NALF1: variants seen among roughly 807,000 people sequenced by gnomAD.
The protein encoded by NALF1 is family with sequence similarity 155 member A.
A neutral mutation model predicts 48.4 loss-of-function variants in NALF1; 3 were observed. The ratio of observed to expected loss-of-function variants is 0.06; its 90% confidence interval spans 0.03 to 0.16. NALF1 has a LOEUF of 0.16. NALF1 is among the 10% of genes least tolerant of loss of function. NALF1 has a pLI of 1.00. For missense variants in NALF1, 526 were observed against 571.5 expected (o/e 0.92, Z 0.81); for synonymous variants, 262 against 245.7 (o/e 1.07, Z -0.62).
intron 1 of NALF1, among the ~76,000 whole-genome samples, chr13:107,249,621 T>A (rs1022677403): frequency 6.7e-6 from 1 of 148,520 alleles, no homozygotes; most frequent in Admixed American, 6.6e-5. Context: ...TGTAGAGAGA[T>A]GGCCAAAACT....
intron 1 of NALF1, among the ~76,000 whole-genome samples, chr13:107,256,310 C>T (rs772111691): frequency 6.6e-6 from 1 of 152,184 alleles, no homozygotes; most frequent in Non-Finnish European, 1.5e-5. Context: ...CTCTTCCTAA[C>T]CCTGTGTTCA....
intron 1 of NALF1, among the ~76,000 whole-genome samples, chr13:107,808,580 G>A (rs1268839642): frequency 6.6e-6 from 1 of 151,702 alleles, no homozygotes; most frequent in Non-Finnish European, 1.5e-5. Flanking sequence ...AGAAAAGAAA[G>A]TGTAGCTGAA....
chr13:107,625,873 T>C (rs906735490), intron 1 of NALF1, among the ~76,000 whole-genome samples: 1 of 152,096 alleles, frequency 6.6e-6, no homozygotes, highest in African/African-American at 2.4e-5. Context: ...TCGGGCAATG[T>C]AGACACAAGC....
chr13:107,187,068 T>C (rs1044757534), intron 2 of NALF1, among the ~76,000 whole-genome samples: 11 of 152,216 alleles, frequency 7.2e-5, no homozygotes, highest in African/African-American at 2.4e-4. Flanking sequence ...GTGCTTCTCA[T>C]GCTTCCCATC....
chr13:107,726,772 G>A (rs773495101), intron 1 of NALF1, among the ~76,000 whole-genome samples: 30 of 140,762 alleles, frequency 2.1e-4, no homozygotes, highest in Middle Eastern at 3.4e-3. Flanking sequence ...CACCACATGC[G>A]GCTAATTTTT....
At chr13:107,235,267 G>A (rs1474941294) in intron 1 of NALF1, among the ~76,000 whole-genome samples, 2 of 152,098 alleles carry the variant, frequency 1.3e-5, no homozygotes, top group Admixed American at 1.3e-4. Context: ...TATTATGTAT[G>A]TGCTAATAAT....
intron 1 of NALF1, among the ~76,000 whole-genome samples, chr13:107,810,486 CTA>C (rs1253437446): frequency 2.0e-5 from 3 of 152,090 alleles, no homozygotes; most frequent in Non-Finnish European, 4.4e-5. Flanking sequence ...AGCCCTAAGT[CTA>C]TACATTTCTG....
intron 1 of NALF1, among the ~76,000 whole-genome samples, chr13:107,267,077 G>A (rs902649000): frequency 2.6e-5 from 4 of 152,164 alleles, no homozygotes; most frequent in African/African-American, 9.7e-5. Flanking sequence ...TGTAGGGCCA[G>A]GTATACAATT....
At chr13:107,766,323 G>A (rs1877417241) in intron 1 of NALF1, among the ~76,000 whole-genome samples, 1 of 152,184 alleles carries the variant, frequency 6.6e-6, no homozygotes, top group Admixed American at 6.5e-5. Flanking sequence ...CGTGAGAAAT[G>A]CTGCTTTGCA....
chr13:107,845,228 T>C (rs984198329), intron 1 of NALF1, among the ~76,000 whole-genome samples: 3 of 152,320 alleles, frequency 2.0e-5, no homozygotes, highest in South Asian at 2.1e-4. Context: ...AGATGAAAGA[T>C]TGCTAATTCC....
chr13:107,464,542 C>T (rs772711282), intron 1 of NALF1, among the ~76,000 whole-genome samples: 28 of 151,164 alleles, frequency 1.9e-4, no homozygotes, highest in Non-Finnish European at 3.2e-4. Context: ...TTTTTTGAGA[C>T]GGAGTTTCAC....
chr13:107,330,157 T>G (rs1029271473), intron 1 of NALF1, among the ~76,000 whole-genome samples: 1 of 152,154 alleles, frequency 6.6e-6, no homozygotes, highest in African/African-American at 2.4e-5. Context: ...GCTGTAGCCT[T>G]TGTTAAAACC....
intron 1 of NALF1, among the ~76,000 whole-genome samples, chr13:107,810,788 T>G (rs1186670836): frequency 6.6e-6 from 1 of 152,006 alleles, no homozygotes; most frequent in African/African-American, 2.4e-5. Context: ...TCTTCTTTTT[T>G]GCATGCAAAA....
chr13:107,342,021 T>C (rs1271001967), intron 1 of NALF1, among the ~76,000 whole-genome samples: 1 of 152,126 alleles, frequency 6.6e-6, no homozygotes, highest in Non-Finnish European at 1.5e-5. Flanking sequence ...TATAACTCTA[T>C]TAGCAAAACA....
chr13:107,533,471 G>T, intron 1 of NALF1, among the ~76,000 whole-genome samples: 1 of 152,086 alleles, frequency 6.6e-6, no homozygotes, highest in Non-Finnish European at 1.5e-5. Flanking sequence ...TACAGAGGAG[G>T]CAGCCCTCAT....
intron 1 of NALF1, among the ~76,000 whole-genome samples, chr13:107,484,274 G>A (rs559778735): frequency 6.6e-6 from 1 of 152,170 alleles, no homozygotes; most frequent in African/African-American, 2.4e-5. Flanking sequence ...TATTCAATAT[G>A]AAATTGAACT....
chr13:107,694,294 C>T (rs553633487), intron 1 of NALF1, among the ~76,000 whole-genome samples: 1 of 142,650 alleles, frequency 7.0e-6, no homozygotes, highest in African/African-American at 2.6e-5. Context: ...AAGCTCAATA[C>T]TATTCCACCT....
chr13:107,660,662 T>C (rs1880714115), intron 1 of NALF1, among the ~76,000 whole-genome samples: 1 of 152,090 alleles, frequency 6.6e-6, no homozygotes, highest in Non-Finnish European at 1.5e-5. Flanking sequence ...CTTTAGGCCA[T>C]TGAAAAATAC....
chr13:107,761,377 A>G (rs968225776), intron 1 of NALF1, among the ~76,000 whole-genome samples: 4 of 152,124 alleles, frequency 2.6e-5, no homozygotes, highest in African/African-American at 7.2e-5. Context: ...AAAAAAAGAA[A>G]AAAAAAAGGA....
Sources: allele counts gnomAD v4.1 joint callset (sites outside exome capture counted in the v4.1 genomes callset), GRCh38; gene constraint gnomAD v4.1.1; transcripts MANE v1.5; gene names NCBI Gene and HGNC (gene_info 2026-07-23, HGNC 2026-07-21).